ROBO1: variants seen among roughly 807,000 people sequenced by gnomAD.
ROBO1 encodes the protein roundabout homolog 1.
In ROBO1, 149 loss-of-function variants were observed where a neutral mutation model predicts 195.9. That is an observed-to-expected ratio of 0.76 (90% CI 0.67 to 0.87). ROBO1 has a LOEUF of 0.87. Among genes scored for constraint, ROBO1 ranks in the 40% least tolerant of loss-of-function variants. ROBO1 has a pLI of 0.00. For missense variants in ROBO1, 1,933 were observed against 2,068.3 expected (o/e 0.93, Z 1.27); for synonymous variants, 816 against 733.2 (o/e 1.11, Z -1.82).
rs573733927 is a variant in ROBO1, at chr3:79,347,309, G to A, written c.89-221770C>T. Among the ~76,000 whole-genome samples the A allele has an allele frequency of 9.4e-4, 143 of 152,128 alleles. 4 individuals are homozygous for A. The highest frequency in any genetic ancestry group is 3.4e-3 in the Middle Eastern group (1 of 292). The stretch of plus-strand genomic sequence containing the variant: ...TGTGTGTGTATGACTTTAAAATCTC[G>A]TGAACACTTGATATGCTTGATATGA... On this transcript the variant is annotated intron_variant, in intron 2 of 30. Transcript: ENST00000464233.
chr3:79,142,511 T>G (rs949728295), intron 2 of ROBO1, among the ~76,000 whole-genome samples: 2 of 152,178 alleles, frequency 1.3e-5, no homozygotes, highest in African/African-American at 4.8e-5. Flanking sequence ...CATAATACAC[T>G]TAATTGTATT....
chr3:79,085,173 A>G (rs2079345004), intron 3 of ROBO1, among the ~76,000 whole-genome samples: 1 of 152,232 alleles, frequency 6.6e-6, no homozygotes, highest in East Asian at 1.9e-4. Flanking sequence ...AAAACCTTCC[A>G]AAATTCAATA....
chr3:79,556,360 C>T (rs1264156623), intron 2 of ROBO1, among the ~76,000 whole-genome samples: 5 of 151,612 alleles, frequency 3.3e-5, no homozygotes, highest in African/African-American at 7.3e-5. Flanking sequence ...TAAATAGATC[C>T]GCTAGTTGTT....
intron 19 of ROBO1, among the ~76,000 whole-genome samples, chr3:78,651,338 CAAT>C (rs1347195791): frequency 2.6e-5 from 4 of 152,086 alleles, no homozygotes; most frequent in Admixed American, 2.0e-4. Flanking sequence ...CAAAGGGTAA[CAAT>C]GTCTCCCCTG....
intron 4 of ROBO1, among the ~76,000 whole-genome samples, chr3:78,827,732 G>A (rs528894821): frequency 1.6e-4 from 25 of 152,252 alleles, no homozygotes; most frequent in South Asian, 6.2e-4. Flanking sequence ...CTAATGTGGC[G>A]GCTCATATCT....
chr3:79,343,594 T>A (rs1223677330), intron 2 of ROBO1, among the ~76,000 whole-genome samples: 1 of 152,136 alleles, frequency 6.6e-6, no homozygotes, highest in Non-Finnish European at 1.5e-5. Flanking sequence ...TAGTGAGAAG[T>A]CTGCAGTAAA....
At position 79,125,478 on chromosome 3, in the gene ROBO1, A is replaced by G. The variant is rs373279123; in HGVS notation, c.150T>C (p.Asp50=). Residue 50 remains aspartate (D), a synonymous_variant, in exon 3 of 31, where the codon GAT becomes GAC. Coordinates refer to ENST00000464233, the MANE Select transcript of ROBO1 (RefSeq NM_002941.4). ...HGTPIPTSDN[D]DNSLGYTGSR... is the part of the protein sequence containing the mutation. Reference sequence around the variant, plus strand: ...TACCTGTATAGCCCAGCGAATTGTCATCGTTATCAGAGGTGGGGATTGGCG... The same window carrying G: ...TACCTGTATAGCCCAGCGAATTGTCGTCGTTATCAGAGGTGGGGATTGGCG... The G allele has an allele frequency of 2.2e-5, 36 of 1,613,670 alleles. No individual in the cohort carries two copies.
At chr3:79,354,227 C>T (rs899792547) in intron 2 of ROBO1, among the ~76,000 whole-genome samples, 2 of 152,160 alleles carry the variant, frequency 1.3e-5, no homozygotes, top group African/African-American at 2.4e-5. Context: ...GTCTCATCTA[C>T]AGTCAGACTT....
In ROBO1 at chr3:78,631,146, G is replaced by A. The variant is rs768058148; in HGVS notation, c.3626+15C>T. ...CATATTACACTGTTTACATCTGTTT[G>A]GATGCTCCTCTTACCTTTCATCTAC... On this transcript the variant is annotated intron_variant, in intron 25 of 30. Coordinates refer to ENST00000464233, the MANE Select transcript of ROBO1 (RefSeq NM_002941.4). 7 of 1,605,200 alleles carry A rather than the reference G, an allele frequency of 4.4e-6. No homozygotes were observed. In the African/African-American group the frequency reaches 5.3e-5, roughly 12 times the overall value.
At chr3:78,822,029 C>T (rs557773355) in intron 4 of ROBO1, among the ~76,000 whole-genome samples, 8 of 151,824 alleles carry the variant, frequency 5.3e-5, no homozygotes, top group Non-Finnish European at 1.2e-4. Flanking sequence ...AGAGTTGTCC[C>T]ATCTGAAAGG....
intron 2 of ROBO1, among the ~76,000 whole-genome samples, chr3:79,473,902 C>T (rs1938414383): frequency 6.6e-6 from 1 of 152,036 alleles, no homozygotes; most frequent in Admixed American, 6.6e-5. Context: ...TACCAACTTC[C>T]TATTAGCCAG....
intron 2 of ROBO1, among the ~76,000 whole-genome samples, chr3:79,348,759 C>T (rs1030271833): frequency 3.3e-5 from 5 of 152,092 alleles, no homozygotes; most frequent in Non-Finnish European, 5.9e-5. Context: ...GAAAAAGACA[C>T]GAATACTTTC....
At chr3:79,370,509 G>T (rs2036153295) in intron 2 of ROBO1, among the ~76,000 whole-genome samples, 3 of 151,914 alleles carry the variant, frequency 2.0e-5, no homozygotes, top group Admixed American at 2.0e-4. Context: ...AAACTCAGTA[G>T]GCTCAATGAC....
intron 3 of ROBO1, among the ~76,000 whole-genome samples, chr3:79,107,251 G>C (rs754015760): frequency 6.6e-6 from 1 of 151,436 alleles, no homozygotes; most frequent in African/African-American, 2.4e-5. Flanking sequence ...GCTACGCAAA[G>C]AGTGTTCAGG....
intron 2 of ROBO1, among the ~76,000 whole-genome samples, chr3:79,137,776 C>T (rs2080440104): frequency 6.6e-6 from 1 of 152,042 alleles, no homozygotes; most frequent in Non-Finnish European, 1.5e-5. Flanking sequence ...CCACTTTTCA[C>T]TACACACCAT....
chr3:79,188,878 C>T (rs779845488), intron 2 of ROBO1, among the ~76,000 whole-genome samples: 18 of 151,570 alleles, frequency 1.2e-4, no homozygotes, highest in Non-Finnish European at 2.2e-4. Flanking sequence ...GGAGTTGATG[C>T]CTTTGGGGTA....
intron 2 of ROBO1, among the ~76,000 whole-genome samples, chr3:79,379,137 A>G (rs892308535): frequency 2.0e-5 from 3 of 152,106 alleles, no homozygotes; most frequent in African/African-American, 4.8e-5. Flanking sequence ...CTCTAAGTCA[A>G]CTCTTTACAG....
chr3:79,146,862 T>C (rs1302704622), intron 2 of ROBO1, among the ~76,000 whole-genome samples: 1 of 151,952 alleles, frequency 6.6e-6, no homozygotes, highest in Non-Finnish European at 1.5e-5. Context: ...TTTTCTTGAA[T>C]GTAGGGAAAG....
intron 2 of ROBO1, among the ~76,000 whole-genome samples, chr3:79,560,305 T>A (rs1291588666): frequency 7.2e-6 from 1 of 139,406 alleles, no homozygotes; most frequent in Admixed American, 7.9e-5. Flanking sequence ...ACACCGCATA[T>A]TCTCACTCAC....
Sources: gnomAD v4.1 joint callset for allele counts (sites outside exome capture counted in the v4.1 genomes callset) on GRCh38, gnomAD v4.1.1 for gene constraint, MANE v1.5 for transcripts, NCBI Gene and HGNC (gene_info 2026-07-23, HGNC 2026-07-21) for gene names.